The following UXS1 variants were observed in gnomAD, a reference collection of about 807,000 sequenced individuals.
The protein encoded by UXS1 is UDP-glucuronic acid decarboxylase 1.
Under a neutral mutation model 62.6 loss-of-function variants are expected in UXS1, and 33 were observed. That is an observed-to-expected ratio of 0.53 (90% confidence interval 0.40 to 0.70). The LOEUF is 0.70. Ranked by LOEUF, UXS1 falls within the 30% of genes least tolerant of loss-of-function variation. UXS1 has a pLI of 0.00. For synonymous variants in UXS1, 213 were observed against 206.8 expected, an observed-to-expected ratio of 1.03 and a Z score of -0.26; for missense variants, 434 against 556.3, an observed-to-expected ratio of 0.78 and a Z score of 2.21.
chr2:106,111,456 C>A (rs1041743951), intron 10 of UXS1, among the ~76,000 whole-genome samples: 5 of 152,186 alleles, frequency 3.3e-5, no homozygotes, highest in African/African-American at 1.2e-4. Flanking sequence ...AGAGTCATCC[C>A]ACTGTGTAAC....
At chr2:106,129,533 T>C (rs1425335534) in intron 7 of UXS1, 141 bp downstream of exon 7, 1 of 728,280 alleles carries the variant, frequency 1.4e-6, no homozygotes, top group East Asian at 2.7e-5. Context: ...ACTGCAAAAC[T>C]GCCAAATACC....
chr2:106,158,518 A>C (rs984290240), intron 4 of UXS1, among the ~76,000 whole-genome samples: 15 of 152,222 alleles, frequency 9.9e-5, no homozygotes, highest in African/African-American at 3.4e-4. Context: ...GGCTCCATCT[A>C]ACCTCACAGG....
At chr2:106,163,489 C>G (rs753278790) in intron 4 of UXS1, among the ~76,000 whole-genome samples, 178 bp downstream of exon 4, 10 of 152,204 alleles carry the variant, frequency 6.6e-5, no homozygotes, top group Non-Finnish European at 1.5e-4. Flanking sequence ...AAGATCTTAA[C>G]ACATCTAGAT....
intron 1 of UXS1, among the ~76,000 whole-genome samples, chr2:106,184,605 C>T (rs190938506): frequency 4.7e-4 from 71 of 152,314 alleles, no homozygotes; most frequent in Middle Eastern, 3.4e-3. Flanking sequence ...CTTGCTGTAT[C>T]CTCACATGGT....
chr2:106,157,024 T>C (rs1682488254), intron 5 of UXS1, among the ~76,000 whole-genome samples: 1 of 152,182 alleles, frequency 6.6e-6, no homozygotes, highest in Admixed American at 6.5e-5. Context: ...CCCACCTATA[T>C]AAAATACCCA....
At chr2:106,176,110 G>A (rs1352247587) in intron 1 of UXS1, among the ~76,000 whole-genome samples, 2 of 152,118 alleles carry the variant, frequency 1.3e-5, no homozygotes, top group Non-Finnish European at 2.9e-5. Flanking sequence ...CTGGGTAGAA[G>A]GCAAGGGCCA....
intron 1 of UXS1, among the ~76,000 whole-genome samples, chr2:106,175,536 A>AG (rs1404132780): frequency 6.6e-6 from 1 of 152,170 alleles, no homozygotes; most frequent in Non-Finnish European, 1.5e-5. Context: ...CTTGGACCAC[A>AG]GTGAAGAGCA....
intron 10 of UXS1, 127 bp from the exon 11 acceptor site, chr2:106,104,964 A>C (rs1282114657): frequency 9.2e-7 from 1 of 1,089,048 alleles, no homozygotes; most frequent in Non-Finnish European, 1.4e-6. Context: ...GCTGACTCAA[A>C]GCATCTAGCA....
chr2:106,188,482 C>G (rs1684717454), intron 1 of UXS1, among the ~76,000 whole-genome samples: 1 of 152,190 alleles, frequency 6.6e-6, no homozygotes, highest in African/African-American at 2.4e-5. Context: ...TCCTGTCCCA[C>G]CCTGGCAGAA....
At chr2:106,179,643 T>C (rs1256913630) in intron 1 of UXS1, 1 of 152,232 alleles carries the variant, frequency 6.6e-6, no homozygotes, top group Admixed American at 6.5e-5. Flanking sequence ...GGGGTTTCAC[T>C]CTTATTCAAG....
intron 6 of UXS1, among the ~76,000 whole-genome samples, chr2:106,141,344 CACAT>C (rs1402233931): frequency 6.6e-6 from 1 of 152,220 alleles, no homozygotes; most frequent in Non-Finnish European, 1.5e-5. Flanking sequence ...TTAGCTGGGT[CACAT>C]ACAAACACTG....
chr2:106,178,153 G>C (rs142781160), intron 1 of UXS1, among the ~76,000 whole-genome samples: 2 of 152,126 alleles, frequency 1.3e-5, no homozygotes, highest in Non-Finnish European at 2.9e-5. Context: ...CCCCATCTCT[G>C]TGCCCGCCGC....
intron 1 of UXS1, among the ~76,000 whole-genome samples, chr2:106,175,941 TCAC>T (rs1355288338): frequency 1.3e-5 from 2 of 152,206 alleles, no homozygotes; most frequent in Non-Finnish European, 2.9e-5. Flanking sequence ...GCCAGACCTG[TCAC>T]CACCTTTAAT....
chr2:106,144,715 G>A (rs10189907), intron 6 of UXS1, among the ~76,000 whole-genome samples: 83,050 of 152,022 alleles, frequency 0.55, 22,845 homozygotes, highest in South Asian at 0.62. Flanking sequence ...GTTCATATAT[G>A]CATCTTCTCG....
chr2:106,160,705 G>C (rs1682832138), intron 4 of UXS1: 1 of 152,162 alleles, frequency 6.6e-6, no homozygotes, highest in South Asian at 2.1e-4. Context: ...TTTTATTACA[G>C]GAAATGTACT....
Position 106,096,768 on chromosome 2 carries a change from T to C in UXS1, c.1096A>G (p.Arg366Gly). ...LSEAQDDPQKRKPDIKKAKLM... is the reference protein window; with the variant it reads ...LSEAQDDPQKGKPDIKKAKLM... ...TTTGCTTTTTTGATGTCTGGTTTTC[T>C]TTTCTGTGGGTCATCCTGGGCTTCG... is the stretch of plus-strand genomic sequence containing the variant. Residue 366 changes from arginine to glycine, a missense_variant, in exon 14 of 15, where the codon AGA (arginine) becomes GGA (glycine). By Grantham distance (125) the Arg-to-Gly change is moderately radical (BLOSUM62 -2). Around this residue, in one of 3 missense-constraint regions of UXS1, gnomAD observed 209 missense variants for 233.3 expected, o/e 0.90. Coordinates refer to ENST00000283148, the MANE Select transcript of UXS1 (RefSeq NM_001253875.2). The C allele has an allele frequency of 6.3e-7, 1 of 1,593,042 alleles. No homozygotes were observed. The highest frequency in any genetic ancestry group is 8.6e-7 in the Non-Finnish European group (1 of 1,168,374).
intron 7 of UXS1, among the ~76,000 whole-genome samples, chr2:106,129,086 A>G (rs1680210981): frequency 6.6e-6 from 1 of 152,222 alleles, no homozygotes; most frequent in Non-Finnish European, 1.5e-5. Flanking sequence ...AAGGCATGTC[A>G]TTTGTGAATA....
chr2:106,114,357 T>C (rs186673202), intron 9 of UXS1, among the ~76,000 whole-genome samples: 40 of 152,266 alleles, frequency 2.6e-4, no homozygotes, highest in African/African-American at 9.1e-4. Context: ...AGTCCAAGAA[T>C]AAATCAACCC....
intron 5 of UXS1, among the ~76,000 whole-genome samples, chr2:106,157,800 T>C (rs1682557587): frequency 6.6e-6 from 1 of 152,134 alleles, no homozygotes; most frequent in Non-Finnish European, 1.5e-5. Flanking sequence ...TTCATAGAGA[T>C]AGAGAGTAGT....
Sources: gnomAD v4.1 joint callset for allele counts (sites outside exome capture counted in the v4.1 genomes callset) on GRCh38, gnomAD v4.1.1 for gene constraint, gnomAD v4.1.1 regional missense constraint, MANE v1.5 for transcripts, NCBI Gene and HGNC (gene_info 2026-07-23, HGNC 2026-07-21) for gene names.